MCPH1: variants seen among roughly 807,000 people sequenced by gnomAD.
MCPH1 encodes microcephalin.
A neutral mutation model predicts 84.5 loss-of-function variants in MCPH1; 104 were observed. The observed-to-expected ratio is 1.23, with a 90% CI of 1.05 to 1.45. The LOEUF is 1.45. Ranked by LOEUF, MCPH1 falls within the 40% of genes most tolerant of loss-of-function variation. The pLI is 0.00. For synonymous variants in MCPH1, 514 were observed against 366.8 expected (o/e 1.40, Z -4.58); for missense variants, 1,498 against 1,005.7 (o/e 1.49, Z -6.62).
chr8:6,419,399 T>TC (rs1478603816), intron 3 of MCPH1, among the ~76,000 whole-genome samples: 10 of 150,484 alleles, frequency 6.6e-5, no homozygotes, highest in Non-Finnish European at 1.3e-4. Flanking sequence ...AAAAAATTTT[T>TC]TTTTTCTTTT....
At chr8:6,419,163 ACACACACACACACACACACACACACG>A (rs1563179298) in intron 3 of MCPH1, among the ~76,000 whole-genome samples, 441 of 35,136 alleles carry the variant, frequency 0.013, no homozygotes, top group African/African-American at 0.016. Flanking sequence ...ACACACACAC[ACACACACACACACACACACACACACG>A]CATTTTTACC....
intron 12 of MCPH1, among the ~76,000 whole-genome samples, chr8:6,608,082 C>G (rs992315983): frequency 3.3e-5 from 5 of 152,128 alleles, no homozygotes; most frequent in Non-Finnish European, 5.9e-5. Flanking sequence ...TGAGCTGGAG[C>G]CCACAGCAGG....
At chr8:6,600,094 A>C (rs1035042349) in intron 12 of MCPH1, among the ~76,000 whole-genome samples, 3 of 152,254 alleles carry the variant, frequency 2.0e-5, no homozygotes, top group Non-Finnish European at 4.4e-5. Flanking sequence ...AGTTACAGAA[A>C]TATCTGGAGC....
At chr8:6,486,700 T>C (rs1254778049) in intron 11 of MCPH1, among the ~76,000 whole-genome samples, 1 of 152,204 alleles carries the variant, frequency 6.6e-6, no homozygotes, top group African/African-American at 2.4e-5. Context: ...CATGACTGAA[T>C]TGTCTGGCAG....
chr8:6,409,226 C>T (rs976852845), intron 1 of MCPH1, 53 bp from the exon 2 acceptor site: 2 of 1,407,126 alleles, frequency 1.4e-6, no homozygotes, highest in East Asian at 2.3e-5. Flanking sequence ...ATCTATTGGG[C>T]AGGGGATGCT....
intron 9 of MCPH1, among the ~76,000 whole-genome samples, chr8:6,459,156 T>C (rs951965307): frequency 1.3e-5 from 2 of 152,254 alleles, no homozygotes; most frequent in Non-Finnish European, 2.9e-5. Context: ...CCTACAAATA[T>C]AATGTTAGTA....
At chr8:6,543,249 C>T (rs900303564) in intron 12 of MCPH1, among the ~76,000 whole-genome samples, 4 of 152,286 alleles carry the variant, frequency 2.6e-5, no homozygotes, top group East Asian at 3.9e-4. Flanking sequence ...GAAGACTCAG[C>T]GGGAACACAA....
intron 12 of MCPH1, among the ~76,000 whole-genome samples, chr8:6,512,834 A>C (rs910696125): frequency 6.6e-6 from 1 of 152,220 alleles, no homozygotes. Flanking sequence ...CACCCAGGGA[A>C]TGCTGTGAAT....
chr8:6,604,451 G>A (rs540499973), intron 12 of MCPH1, among the ~76,000 whole-genome samples: 64 of 152,312 alleles, frequency 4.2e-4, no homozygotes, highest in African/African-American at 1.2e-3. Context: ...TGCTTGGGTC[G>A]GTCAAAATAC....
intron 3 of MCPH1, among the ~76,000 whole-genome samples, chr8:6,430,686 G>T (rs924269816): frequency 2.0e-5 from 3 of 152,196 alleles, no homozygotes; most frequent in Non-Finnish European, 2.9e-5. Flanking sequence ...GTGAGGGATA[G>T]TTGGAGAGGT....
intron 12 of MCPH1, chr8:6,513,928 A>G: frequency 7.9e-7 from 1 of 1,259,786 alleles, no homozygotes; most frequent in Admixed American, 2.3e-5. Flanking sequence ...AACTTAACAT[A>G]GAATAACTAT....
intron 11 of MCPH1, among the ~76,000 whole-genome samples, chr8:6,496,431 G>A (rs1250306982): frequency 3.3e-5 from 5 of 152,110 alleles, no homozygotes; most frequent in Admixed American, 6.5e-5. Context: ...TTCCTAATAG[G>A]CCACAGACTG....
chr8:6,597,959 G>A (rs1422598139), intron 12 of MCPH1, among the ~76,000 whole-genome samples: 2 of 152,224 alleles, frequency 1.3e-5, no homozygotes, highest in Non-Finnish European at 2.9e-5. Context: ...TTGACCTAGA[G>A]CCTTGCACTG....
chr8:6,499,875 T>A lies in MCPH1; in HGVS notation c.2160T>A (p.Gly720=), dbSNP rs1432787274. ...AGGTGCTATGGTCTTTAGAATTGGG[T>A]CACTGGATTTCTGAGGAGCCGTTCG... ...YDWVLWSLEL[G]HWISEEPFEL... is the part of the protein sequence containing the mutation. Residue 720 remains glycine, a synonymous_variant, in exon 12 of 14, where the codon GGT becomes GGA. Transcript: ENST00000344683. 1.9e-6 allele frequency: 3 copies of A among 1,613,412 alleles called. No individual in the cohort carries two copies. Among genetic ancestry groups the A allele is most frequent in the Non-Finnish European group, 2.5e-6 (3 of 1,179,970 alleles).
intron 5 of MCPH1, among the ~76,000 whole-genome samples, chr8:6,438,060 C>G (rs1802939775): frequency 6.6e-6 from 1 of 152,194 alleles, no homozygotes; most frequent in Non-Finnish European, 1.5e-5. Flanking sequence ...TTACTAGGTG[C>G]TTTATGATCT....
intron 3 of MCPH1, among the ~76,000 whole-genome samples, chr8:6,424,381 T>C (rs1043268397): frequency 6.6e-5 from 10 of 152,212 alleles, no homozygotes; most frequent in Non-Finnish European, 1.5e-4. Flanking sequence ...CCCCTGCATT[T>C]AGTGTTTGCT....
At chr8:6,518,651 A>G (rs954221824) in intron 12 of MCPH1, among the ~76,000 whole-genome samples, 4 of 152,172 alleles carry the variant, frequency 2.6e-5, no homozygotes, top group African/African-American at 9.7e-5. Context: ...ACTTAGGATA[A>G]TACTCAATTT....
At chr8:6,451,043 A>G (rs1301017710) in intron 8 of MCPH1, among the ~76,000 whole-genome samples, 3 of 152,222 alleles carry the variant, frequency 2.0e-5, no homozygotes, top group Non-Finnish European at 4.4e-5. Context: ...CTGAGCATTC[A>G]AGAGGAACTG....
At chr8:6,441,165 G>C (rs943074715) in intron 6 of MCPH1, among the ~76,000 whole-genome samples, 3 of 152,198 alleles carry the variant, frequency 2.0e-5, no homozygotes, top group African/African-American at 7.2e-5. Flanking sequence ...TAAAATCAAA[G>C]TTCTGTTGTT....
Sources: allele counts gnomAD v4.1 joint callset (sites outside exome capture counted in the v4.1 genomes callset), GRCh38; gene constraint gnomAD v4.1.1; transcripts MANE v1.5; gene names NCBI Gene and HGNC (gene_info 2026-07-23, HGNC 2026-07-21).